SPON1: variants seen among roughly 807,000 people sequenced by gnomAD.
The protein encoded by SPON1 is spondin 1, also known as spondin-1.
Under a neutral mutation model 111.7 loss-of-function variants are expected in SPON1, and 52 were observed. That is an observed-to-expected ratio of 0.47 (90% confidence interval 0.37 to 0.59). The LOEUF (loss-of-function observed/expected upper bound fraction) is 0.59. Among genes scored for constraint, SPON1 ranks in the 20% least tolerant of loss-of-function variants. SPON1 has a pLI of 0.00. For synonymous variants in SPON1, 410 were observed against 395.8 expected (o/e 1.04, Z -0.43); for missense variants, 957 against 1,068.5 (o/e 0.90, Z 1.46).
intron 6 of SPON1, among the ~76,000 whole-genome samples, chr11:14,217,645 T>TTC (rs10691534): frequency 0.021 from 3,224 of 152,054 alleles, 121 homozygotes; most frequent in African/African-American, 0.075. Flanking sequence ...ACATGGATTT[T>TTC]TTTTTTTTAC....
At chr11:14,192,412 T>A (rs1379171858) in intron 6 of SPON1, among the ~76,000 whole-genome samples, 15 of 152,172 alleles carry the variant, frequency 9.9e-5, no homozygotes, top group Non-Finnish European at 1.3e-4. Context: ...CATTTGTAGC[T>A]TTGACATTTT....
intron 2 of SPON1, among the ~76,000 whole-genome samples, chr11:14,026,344 T>C (rs1554915307): frequency 6.6e-6 from 1 of 152,236 alleles, no homozygotes; most frequent in East Asian, 1.9e-4. Flanking sequence ...ATTCTTATTG[T>C]CAAAATATAA....
At chr11:14,120,102 CT>C (rs1341649158) in intron 5 of SPON1, among the ~76,000 whole-genome samples, 2 of 152,110 alleles carry the variant, frequency 1.3e-5, no homozygotes, top group Non-Finnish European at 2.9e-5. Context: ...CATATACTAG[CT>C]GGGTGGCCCT....
chr11:14,064,021 A>G (rs549402052), intron 3 of SPON1, among the ~76,000 whole-genome samples: 1 of 152,318 alleles, frequency 6.6e-6, no homozygotes, highest in East Asian at 1.9e-4. Flanking sequence ...TTGTGGACAT[A>G]TGGCAGACAC....
At chr11:14,062,106 C>T (rs1424403486) in intron 3 of SPON1, among the ~76,000 whole-genome samples, 1 of 149,826 alleles carries the variant, frequency 6.7e-6, no homozygotes, top group Non-Finnish European at 1.5e-5. Flanking sequence ...TTGTCCATTG[C>T]TCCGGACCTA....
rs1181461421 is a variant in SPON1, at chr11:14,228,487, GC to G, written c.826-14842del. ...AGGGAGAAGTTGAGCTGTGTCGCAGGCCCAACAAAGACCTCTACCAACCAAC... is the reference window on the plus strand; with the variant it reads ...AGGGAGAAGTTGAGCTGTGTCGCAGGCCAACAAAGACCTCTACCAACCAAC... On this transcript the variant is annotated intron_variant, in intron 6 of 15. Coordinates refer to ENST00000576479, the MANE Select transcript of SPON1 (RefSeq NM_006108.4). The surrounding 1 kb of genome is among the most constrained non-coding windows in gnomAD (Gnocchi z 4.2). Among the ~76,000 whole-genome samples the G allele has an allele frequency of 6.6e-6, 1 of 152,160 alleles. No homozygotes were observed. Among genetic ancestry groups the G allele is most frequent in the African/African-American group, 2.4e-5 (1 of 41,438 alleles).
chr11:14,237,688 C>G (rs1469936239), intron 6 of SPON1, among the ~76,000 whole-genome samples: 1 of 152,230 alleles, frequency 6.6e-6, no homozygotes, highest in Non-Finnish European at 1.5e-5. Flanking sequence ...TGGGTTTTCC[C>G]CTGTTTAGTA....
chr11:14,046,770 G>A (rs1315620676), intron 3 of SPON1, among the ~76,000 whole-genome samples: 9 of 152,226 alleles, frequency 5.9e-5, no homozygotes, highest in South Asian at 4.1e-4. Flanking sequence ...TTGGGATTTC[G>A]AATGGCTTTG....
chr11:14,075,354 C>T lies in SPON1; in HGVS notation c.489C>T (p.Ile163=), dbSNP rs782789975. 1.0e-5 allele frequency: 16 copies of T among 1,558,376 alleles called. No individual in the cohort carries two copies. The highest frequency in any genetic ancestry group is 3.6e-5 in the South Asian group (3 of 84,480). Residue 163 remains isoleucine (I), a synonymous_variant, in exon 4 of 16, where the codon ATC becomes ATT. Transcript: ENST00000576479. ...TCTTCTTTCTTCACAGGGCCAGCAT[C>T]GTACAAAAACGCATTATTTATTTTC... ...GTGCVILKAS[I]VQKRIIYFQD... is the part of the protein sequence containing the mutation.
rs113344490 is a variant in SPON1 at position 14,051,465 on chromosome 11, G to A, written c.479+9811G>A. 6.0e-3 allele frequency among the ~76,000 whole-genome samples: 919 copies of A among 152,038 alleles called. 15 individuals carry two copies. The highest frequency in any genetic ancestry group is 0.021 in the African/African-American group (880 of 41,474). On this transcript the variant is annotated intron_variant, in intron 3 of 15. Transcript: ENST00000576479. ...GTGGGAGGATTGCTGGAGCCCAGGA[G>A]ATTGAGGCTTCAATGAGCTGAGATG...
intron 5 of SPON1, among the ~76,000 whole-genome samples, chr11:14,086,474 C>A (rs1478112199): frequency 1.3e-5 from 2 of 152,144 alleles, no homozygotes; most frequent in African/African-American, 4.8e-5. Context: ...GTTGAACCAG[C>A]CTTGCATCCC....
chr11:14,194,224 G>A (rs1167301428), intron 6 of SPON1, among the ~76,000 whole-genome samples: 1 of 152,118 alleles, frequency 6.6e-6, no homozygotes, highest in East Asian at 1.9e-4. Flanking sequence ...CCATTGGTGT[G>A]CGAGAGTCAA....
chr11:14,122,655 T>G (rs989050880), intron 5 of SPON1, among the ~76,000 whole-genome samples: 1 of 152,236 alleles, frequency 6.6e-6, no homozygotes, highest in Non-Finnish European at 1.5e-5. Flanking sequence ...TTTAGTTCAC[T>G]GATCTTTTCC....
chr11:14,156,752 A>G (rs915593342), intron 6 of SPON1, among the ~76,000 whole-genome samples: 1 of 152,106 alleles, frequency 6.6e-6, no homozygotes, highest in Admixed American at 6.6e-5. Context: ...TAAATAGGGA[A>G]TCCTTTCCCC....
At position 14,109,397 on chromosome 11, in the gene SPON1, A is replaced by C. The variant is rs113505910; in HGVS notation, c.677-26023A>C. Among the ~76,000 whole-genome samples the C allele has an allele frequency of 8.3e-3, 1,257 of 152,316 alleles. 24 individuals are homozygous for C. Among genetic ancestry groups the C allele is most frequent in the African/African-American group, 0.029 (1,198 of 41,574 alleles). ...AGATTAATACTGAAAAAGGATTAAG[A>C]CTAAATTTTTAAACCAGCTGTAAAG... On this transcript the variant is annotated intron_variant, in intron 5 of 15. Coordinates refer to ENST00000576479, the MANE Select transcript of SPON1 (RefSeq NM_006108.4).
intron 1 of SPON1, among the ~76,000 whole-genome samples, chr11:13,976,934 A>G (rs1848107829): frequency 6.6e-6 from 1 of 152,176 alleles, no homozygotes; most frequent in African/African-American, 2.4e-5. Flanking sequence ...TTATGTAAAT[A>G]TATATAAATG....
rs116636607 is a variant in SPON1, at chr11:14,062,038, G to C, written c.480-13307G>C. ...TAGTTACATCGTCACATCAGCCTTG[G>C]TAGTACTGGGTCACAGTGGGATATA... is the stretch of plus-strand genomic sequence containing the variant. On this transcript the variant is annotated intron_variant, in intron 3 of 15. Transcript: ENST00000576479. Among the ~76,000 whole-genome samples, 1,061 of 152,286 alleles carry C rather than the reference G, an allele frequency of 7.0e-3. 23 individuals carry two copies. Among genetic ancestry groups the C allele is most frequent in the African/African-American group, 0.025 (1,021 of 41,548 alleles).
rs117865811 is a variant in SPON1, at chr11:14,180,763, A to G, written c.825+45195A>G. Among the ~76,000 whole-genome samples, 959 of 152,288 alleles carry G rather than the reference A, an allele frequency of 6.3e-3. 4 individuals carry two copies. Among genetic ancestry groups the G allele is most frequent in the Non-Finnish European group, 0.011 (726 of 68,018 alleles). On this transcript the variant is annotated intron_variant, in intron 6 of 15. Transcript: ENST00000576479. ...GGCTGGACGAACAAATAAGTTGTAT[A>G]TATTTGCCTTCTCACCTCCACTACT...
intron 6 of SPON1, among the ~76,000 whole-genome samples, chr11:14,226,114 AG>A (rs1848736462): frequency 6.6e-6 from 1 of 152,238 alleles, no homozygotes; most frequent in Admixed American, 6.5e-5. Context: ...AGTTCACTTT[AG>A]TCCATTTTAG....
Sources: gnomAD v4.1 joint callset for allele counts (sites outside exome capture counted in the v4.1 genomes callset) on GRCh38, gnomAD v4.1.1 for gene constraint, Gnocchi (gnomAD v3.1) non-coding constraint, MANE v1.5 for transcripts, NCBI Gene and HGNC (gene_info 2026-07-23, HGNC 2026-07-21) for gene names.